The following HOXB2 variants were observed in gnomAD, a reference collection of about 807,000 sequenced individuals.
The protein encoded by HOXB2 is homeobox B2.
In HOXB2, 14 loss-of-function variants were observed where a neutral mutation model predicts 13.1. The ratio of observed to expected loss-of-function variants is 1.07; its 90% CI spans 0.71 to 1.67. The LOEUF is 1.67. HOXB2 is among the 40% of genes most tolerant of loss of function. The pLI, the probability that HOXB2 is intolerant of heterozygous loss-of-function variation, is 0.00. For missense variants in HOXB2, 582 were observed against 488.3 expected (o/e 1.19, Z -1.81); for synonymous variants, 261 against 233.1 (o/e 1.12, Z -1.09).
Position 48,544,034 on chromosome 17 carries a change from G to A in HOXB2, c.392-287C>T, listed in dbSNP as rs1048275778. 7.2e-6 allele frequency: 9 copies of A among 1,243,264 alleles called. No individual in the cohort carries two copies. The Admixed American group carries it at 3.1e-4, about 43-fold the overall frequency. The allele number at this position is 1,243,264 out of a possible 1,614,324, so 77.0% of individuals were successfully genotyped here. On this transcript the variant is annotated intron_variant, in intron 1 of 1. Transcript: ENST00000330070. ...CCGGAACCTCAGATCCCCCTCCCAA[G>A]CCCTCCCAGTGGACCCCTCAATTCG...
At position 48,543,481 on chromosome 17, in the gene HOXB2, C is replaced by T. The variant is rs1482991605; in HGVS notation, c.658G>A (p.Asp220Asn). The stretch of plus-strand genomic sequence containing the variant: ...GGTTCCTCGGCAGGGTCGCAGATGT[C>T]CTCCAGGGCTCCCGGGCAGGCAGGC... Reference protein sequence around the residue: ...GEPACPGALEDICDPAEEPAA... With the variant: ...GEPACPGALENICDPAEEPAA... The change falls in exon 2 of 2, where the codon GAC becomes AAC. Residue 220 changes from aspartate (D) to asparagine (N), a missense_variant. By Grantham distance (23) the Asp-to-Asn change is conservative. Transcript: ENST00000330070. 1 of 1,611,798 alleles carries T rather than the reference C, an allele frequency of 6.2e-7. No homozygotes were observed.
In HOXB2 at chr17:48,542,990, G is replaced by A. The variant is rs2068513835; in HGVS notation, c.*78C>T. 7.9e-6 allele frequency: 9 copies of A among 1,141,050 alleles called. No homozygotes were observed. The highest frequency in any genetic ancestry group is 1.1e-5 in the Non-Finnish European group (9 of 802,566). 70.7% of individuals were successfully genotyped at this position (1,141,050 alleles called of 1,614,324 possible). A position where few individuals can be genotyped will look rare whatever the true frequency, so the allele number is the denominator to read the frequency against. ...GCAAAACACATAAGTCTATGCGACTGAGGGTGGGAGAGGCTCGATTTTTCC... is the reference window on the plus strand; with the variant it reads ...GCAAAACACATAAGTCTATGCGACTAAGGGTGGGAGAGGCTCGATTTTTCC... On this transcript the variant is annotated 3_prime_UTR_variant, in exon 2 of 2. Transcript: ENST00000330070.
chr17:48,544,013 A>C (rs2068538235), intron 1 of HOXB2: 1 of 1,269,272 alleles, frequency 7.9e-7, no homozygotes, highest in Non-Finnish European at 9.9e-7. Context: ...TCGGCGCCGG[A>C]ACCTCAGATC....
Position 48,544,539 on chromosome 17 carries a change from C to T in HOXB2, c.373G>A (p.Gly125Arg). 4.4e-6 allele frequency: 7 copies of T among 1,605,404 alleles called. No individual in the cohort carries two copies. Among genetic ancestry groups the T allele is most frequent in the Non-Finnish European group, 4.2e-6 (5 of 1,179,714 alleles). Residue 125 changes from glycine (G) to arginine (R), a missense_variant, in exon 1 of 2, where the codon GGG (glycine) becomes AGG (arginine). By Grantham distance (125) the Gly-to-Arg change is moderately radical. Transcript: ENST00000330070. The part of the protein sequence containing the change: ...SPAASAVPAS[G>R]VGSPADGLGL... ...TACCGACCTGCAGGCGATCCGACCC[C>T]GGAGGCCGGAACGGCGGAGGCGGCC...
chr17:48,544,112 C>T (rs1455324950), intron 1 of HOXB2: 1 of 985,270 alleles, frequency 1.0e-6, no homozygotes, highest in African/African-American at 1.7e-5. Flanking sequence ...CTTCACCCCT[C>T]TTCCTCCCTA....
rs1007390743 is a variant in HOXB2, at chr17:48,543,047, G to A, written c.*21C>T. 8 of 1,550,738 alleles carry A rather than the reference G, an allele frequency of 5.2e-6. No homozygotes were observed. The highest frequency in any genetic ancestry group is 7.0e-6 in the Non-Finnish European group (8 of 1,149,426). ...CGGCCAAGGAGCGCGGGGGTCGAAA[G>A]GACCGGGAGGAGGAAACAGGTTAGG... On this transcript the variant is annotated 3_prime_UTR_variant, in exon 2 of 2. Transcript: ENST00000330070.
In HOXB2 at chr17:48,542,765, TAAA is replaced by T. The variant is rs1202482502; in HGVS notation, c.*300_*302del. 11 of 249,064 alleles carry T rather than the reference TAAA, an allele frequency of 4.4e-5. No individual in the cohort carries two copies. Among genetic ancestry groups the T allele is most frequent in the Non-Finnish European group, 8.3e-5 (11 of 132,348 alleles). The allele number at this position is 249,064 out of a possible 1,614,324, so 15.4% of individuals were successfully genotyped here. A position where few individuals can be genotyped will look rare whatever the true frequency, so the allele number is the denominator to read the frequency against. ...AATAAATAATCTACAGTCTAAAACA[TAAA>T]AAAGAGGAAAATAGGTCCCTCTAGT... is the stretch of plus-strand genomic sequence containing the variant. On this transcript the variant is annotated 3_prime_UTR_variant, in exon 2 of 2. Coordinates refer to ENST00000330070, the MANE Select transcript of HOXB2 (RefSeq NM_002145.4).
chr17:48,543,505 G>A lies in HOXB2; in HGVS notation c.634C>T (p.Pro212Ser). Reference protein sequence around the residue: ...TQHREPPDGEPACPGALEDIC... With the variant: ...TQHREPPDGESACPGALEDIC... ...TCCTCCAGGGCTCCCGGGCAGGCAG[G>A]CTCCCCATCCGGCGGCTCTCGGTGC... The change falls in exon 2 of 2, where the codon CCT becomes TCT. Residue 212 changes from proline (P) to serine (S), a missense_variant. Physicochemically the swap from Pro to Ser is moderately conservative, Grantham distance 74. Coordinates refer to ENST00000330070, the MANE Select transcript of HOXB2 (RefSeq NM_002145.4). 1 of 1,612,540 alleles carries A rather than the reference G, an allele frequency of 6.2e-7. No individual in the cohort carries two copies. The highest frequency in any genetic ancestry group is 8.5e-7 in the Non-Finnish European group (1 of 1,179,910).
At chr17:48,544,004 C>T in intron 1 of HOXB2, 1 of 1,274,584 alleles carries the variant, frequency 7.8e-7, no homozygotes, top group Non-Finnish European at 9.9e-7. Context: ...CGGCTCCCTT[C>T]GGCGCCGGAA....
Position 48,543,010 on chromosome 17 carries a change from T to G in HOXB2, c.*58A>C. 2.1e-6 allele frequency: 3 copies of G among 1,440,196 alleles called. No homozygotes were observed. The East Asian group carries it at 7.2e-5, about 35-fold the overall frequency. The allele number at this position is 1,440,196 out of a possible 1,614,324, so 89.2% of individuals were successfully genotyped here. A position where few individuals can be genotyped will look rare whatever the true frequency, so the allele number is the denominator to read the frequency against. Reference sequence around the variant, plus strand: ...CGACTGAGGGTGGGAGAGGCTCGATTTTTCCAGTAGACGGCCAAGGAGCGC... The same window carrying G: ...CGACTGAGGGTGGGAGAGGCTCGATGTTTCCAGTAGACGGCCAAGGAGCGC... On this transcript the variant is annotated 3_prime_UTR_variant, in exon 2 of 2. Coordinates refer to ENST00000330070, the MANE Select transcript of HOXB2 (RefSeq NM_002145.4).
intron 1 of HOXB2, chr17:48,544,305 C>T: frequency 2.1e-6 from 3 of 1,396,964 alleles, no homozygotes; most frequent in South Asian, 1.7e-5. Context: ...CAAAATCAGC[C>T]ATAGGGAGAG....
chr17:48,544,661 G>C lies in HOXB2; in HGVS notation c.251C>G (p.Pro84Arg), dbSNP rs774301662. 6.2e-7 allele frequency: 1 copy of C among 1,610,412 alleles called. No individual in the cohort carries two copies. The highest frequency in any genetic ancestry group is 8.5e-7 in the Non-Finnish European group (1 of 1,178,818). ...GGCCGGGGGGGCAGCGGGGAGTGGC[G>C]GCGGCGGTGGCGGCGGCAGAGCAGG... ...DGPALPPPPP[P>R]PLPAAPPAPE... The change falls in exon 1 of 2, where the codon CCG becomes CGG. Residue 84 changes from proline (P) to arginine (R), a missense_variant. Physicochemically the swap from Pro to Arg is moderately radical, Grantham distance 103 (BLOSUM62 -2). Transcript: ENST00000330070.
intron 1 of HOXB2, 186 bp from the exon 2 acceptor site, chr17:48,543,933 C>A: frequency 7.2e-7 from 1 of 1,396,006 alleles, no homozygotes; most frequent in South Asian, 1.7e-5. Context: ...AGTCTACAGC[C>A]CCGGCCCGGG....
intron 1 of HOXB2, chr17:48,544,020 G>C: frequency 1.6e-6 from 2 of 1,265,916 alleles, no homozygotes; most frequent in Non-Finnish European, 9.9e-7. Context: ...CGGAACCTCA[G>C]ATCCCCCTCC....
In HOXB2 at chr17:48,543,495, G is replaced by A. The variant is rs773924302; in HGVS notation, c.644C>T (p.Pro215Leu). 1.2e-6 allele frequency: 2 copies of A among 1,612,340 alleles called. No individual in the cohort carries two copies. The highest frequency in any genetic ancestry group is 1.7e-6 in the Non-Finnish European group (2 of 1,179,888). Residue 215 changes from proline (P) to leucine (L), a missense_variant, in exon 2 of 2, where the codon CCG becomes CTG. Physicochemically the swap from Pro to Leu is moderately conservative, Grantham distance 98. Coordinates refer to ENST00000330070, the MANE Select transcript of HOXB2 (RefSeq NM_002145.4). ...REPPDGEPACPGALEDICDPA... is the reference protein window; with the variant it reads ...REPPDGEPACLGALEDICDPA... ...GTCGCAGATGTCCTCCAGGGCTCCCGGGCAGGCAGGCTCCCCATCCGGCGG... is the reference window on the plus strand; with the variant it reads ...GTCGCAGATGTCCTCCAGGGCTCCCAGGCAGGCAGGCTCCCCATCCGGCGG...
In HOXB2 at chr17:48,543,717, C is replaced by G; in HGVS notation, c.422G>C (p.Gly141Ala). The stretch of plus-strand genomic sequence containing the variant: ...AGCCGTGCGCAGCCTGCGCGCCCCG[C>G]CGCCACCAGCCTCCGGCAGTCCCAG... ...DGLGLPEAGG[G>A]GARRLRTAYT... The change falls in exon 2 of 2, where the codon GGC becomes GCC. Residue 141 changes from glycine (G) to alanine (A), a missense_variant. By Grantham distance (60) the Gly-to-Ala change is moderately conservative. Transcript: ENST00000330070. 4 of 1,608,206 alleles carry G rather than the reference C, an allele frequency of 2.5e-6. No homozygotes were observed. Among genetic ancestry groups the G allele is most frequent in the Non-Finnish European group, 3.4e-6 (4 of 1,177,062 alleles).
rs774247031 is a variant in HOXB2 at position 48,543,265 on chromosome 17, C to T, written c.874G>A (p.Glu292Lys). Residue 292 changes from glutamate (E) to lysine (K), a missense_variant, in exon 2 of 2, where the codon GAA becomes AAA. By Grantham distance (56) the Glu-to-Lys change is moderately conservative. Transcript: ENST00000330070. ...TCCTGGCGCCCCGAGAAGACGTCTT[C>T]TGGCAATGGCCCGGGCTCCAGCCCG... ...AGGLEPGPLP[E>K]DVFSGRQDSP... 9 of 1,608,620 alleles carry T rather than the reference C, an allele frequency of 5.6e-6. No homozygotes were observed. In the South Asian group the frequency reaches 6.6e-5, roughly 12 times the overall value.
Position 48,543,082 on chromosome 17 carries a change from GGTCGAT to G in HOXB2, c.1051_1056del (p.Ile351_Asp352del), listed in dbSNP as rs1448012503. 6.2e-7 allele frequency: 1 copy of G among 1,601,712 alleles called. No homozygotes were observed. Among genetic ancestry groups the G allele is most frequent in the Admixed American group, 1.7e-5 (1 of 57,170 alleles). ...GAGGAAACAGGTTAGGGAAACTGCA[GGTCGAT>G]GGCACAGAGCGTACTGGTGAAAAAA... On this transcript the variant is annotated inframe_deletion, in exon 2 of 2. Coordinates refer to ENST00000330070, the MANE Select transcript of HOXB2 (RefSeq NM_002145.4).
rs762489653 is a variant in HOXB2 at position 48,543,430 on chromosome 17, C to T, written c.709G>A (p.Ala237Thr). The change falls in exon 2 of 2, where the codon GCC becomes ACC. Residue 237 changes from alanine to threonine, a missense_variant. Coordinates refer to ENST00000330070, the MANE Select transcript of HOXB2 (RefSeq NM_002145.4). ...CAGGCTTCCCACGCCGCCCGCGAGG[C>T]GGAGGGGCCGCCCGGGCTGGCCGCG... ...EPAASPGGPS[A>T]SRAAWEACCH... 20 of 1,592,514 alleles carry T rather than the reference C, an allele frequency of 1.3e-5. No individual in the cohort carries two copies. In the East Asian group the frequency reaches 3.4e-4, roughly 27 times the overall value.
Sources: allele counts gnomAD v4.1 joint callset, GRCh38; gene constraint gnomAD v4.1.1; transcripts MANE v1.5; gene names NCBI Gene and HGNC (gene_info 2026-07-23, HGNC 2026-07-21).